Variants in DNASE1 observed in about 807,000 individuals in gnomAD.
DNASE1 encodes deoxyribonuclease 1.
In DNASE1, 40 loss-of-function variants were observed where a neutral mutation model predicts 33.9. The observed-to-expected ratio is 1.18, with a 90% CI of 0.92 to 1.54. The LOEUF is 1.54. Among genes scored for constraint, DNASE1 ranks in the 40% most tolerant of loss-of-function variants. The pLI is 0.00. For synonymous variants in DNASE1, 216 were observed against 160.0 expected (o/e 1.35, Z -2.64); for missense variants, 518 against 372.6 (o/e 1.39, Z -3.21).
At chr16:3,644,389 C>T (rs1351941935) in intron 1 of DNASE1, among the ~76,000 whole-genome samples, 1 of 151,902 alleles carries the variant, frequency 6.6e-6, no homozygotes, top group Non-Finnish European at 1.5e-5. Context: ...ATGGTAAAAC[C>T]TTCTCTCTAC....
At chr16:3,658,672 A>C (rs1413662150), downstream of DNASE1, 5 of 1,044,102 alleles carry the variant, frequency 4.8e-6, no homozygotes, top group Non-Finnish European at 5.5e-6. Context: ...ACTCCATCTC[A>C]AAAAACAAAC....
chr16:3,650,232 A>C (rs2042291850), upstream of DNASE1, among the ~76,000 whole-genome samples: 1 of 152,214 alleles, frequency 6.6e-6, no homozygotes, highest in Non-Finnish European at 1.5e-5. Flanking sequence ...GTCTTACTCT[A>C]GCATCGTCTA....
intron 1 of DNASE1, among the ~76,000 whole-genome samples, chr16:3,644,388 C>A (rs769909096): frequency 6.6e-6 from 1 of 152,062 alleles, no homozygotes; most frequent in Non-Finnish European, 1.5e-5. Context: ...CATGGTAAAA[C>A]CTTCTCTCTA....
chr16:3,655,017 A>G lies in DNASE1; in HGVS notation c.-29A>G, dbSNP rs2042503109. The G allele has an allele frequency of 4.1e-6, 2 of 492,470 alleles. No individual in the cohort carries two copies. The highest frequency in any genetic ancestry group is 1.9e-5 in the African/African-American group (1 of 51,304). 30.5% of individuals were successfully genotyped at this position (492,470 alleles called of 1,614,324 possible). ...CCAGATTCTTGACAGCATTCTCGTC[A>G]TCTCTGAGGACATCACCATCATCTC... On this transcript the variant is annotated 5_prime_UTR_variant, in exon 1 of 9. Transcript: ENST00000246949.
intron 1 of DNASE1, among the ~76,000 whole-genome samples, chr16:3,613,289 A>G (rs1348524433): frequency 6.6e-6 from 1 of 152,230 alleles, no homozygotes; most frequent in Non-Finnish European, 1.5e-5. Context: ...TCATCCATGT[A>G]GATGAATCAG....
chr16:3,659,156 GATAA>G (rs373437623), downstream of DNASE1: 543 of 315,980 alleles, frequency 1.7e-3, 10 homozygotes, highest in East Asian at 0.031. Flanking sequence ...TTGGTTCCTA[GATAA>G]ATAATAAAAG....
exon 10 of DNASE1, chr16:3,664,495 G>A: frequency 6.3e-7 from 1 of 1,576,556 alleles, no homozygotes; most frequent in Non-Finnish European, 8.6e-7. Context: ...CTTATTCCAG[G>A]CCCATGGGCT....
downstream of DNASE1, chr16:3,660,223 G>A (rs191504544): frequency 1.3e-5 from 2 of 152,394 alleles, no homozygotes; most frequent in Admixed American, 1.3e-4. Context: ...CATAATCTCT[G>A]CAGAAATACA....
In DNASE1 at chr16:3,664,449, G is replaced by T. The variant is rs200472693; in HGVS notation, c.*6496G>T. ...CGAGGACTCGTAGCGCAGCAGCTTT[G>T]CTATGTCCTCCTAGAAGGGACGGGG... On this transcript the variant is annotated 3_prime_UTR_variant, in exon 10 of 10. Coordinates refer to the DNASE1 transcript ENST00000407479. The T allele has an allele frequency of 4.4e-5, 71 of 1,610,518 alleles. No individual in the cohort carries two copies. Among genetic ancestry groups the T allele is most frequent in the Non-Finnish European group, 1.7e-5 (20 of 1,178,740 alleles).
rs563628785 is a variant in DNASE1, at chr16:3,656,109, C to T, written c.244C>T (p.Pro82Ser). 1.9e-5 allele frequency: 30 copies of T among 1,614,106 alleles called. No individual in the cohort carries two copies. In the South Asian group the frequency reaches 2.9e-4, roughly 15 times the overall value. Residue 82 changes from proline (P) to serine (S), a missense_variant, in exon 4 of 9, where the codon CCA (proline) becomes TCA (serine). Transcript: ENST00000246949. ...TTTGTTTCTTCAATCCAGGGATGCA[C>T]CAGACACCTATCACTACGTGGTCAG... ...KLLDNLNQDA[P>S]DTYHYVVSEP...
At chr16:3,616,518 G>A (rs1010465544) in intron 1 of DNASE1, among the ~76,000 whole-genome samples, 2 of 152,192 alleles carry the variant, frequency 1.3e-5, no homozygotes, top group Non-Finnish European at 2.9e-5. Context: ...CTACTTGGAA[G>A]GCTGAGGCGG....
chr16:3,662,869 G>A (rs370938126), downstream of DNASE1: 27 of 1,613,020 alleles, frequency 1.7e-5, no homozygotes, highest in Middle Eastern at 3.3e-4. Context: ...GTCCATCCCC[G>A]GGAAAGCCTC....
downstream of DNASE1, chr16:3,658,208 G>GCAAT: frequency 5.6e-6 from 9 of 1,613,898 alleles, no homozygotes; most frequent in Non-Finnish European, 7.6e-6. Context: ...AAGTCCAGCA[G>GCAAT]CAATCATGGC....
chr16:3,612,508 C>T (rs547189816), intron 1 of DNASE1, among the ~76,000 whole-genome samples: 26 of 151,244 alleles, frequency 1.7e-4, no homozygotes, highest in African/African-American at 5.1e-4. Context: ...GCCTCGGCCT[C>T]CCAAAGTGGT....
chr16:3,645,569 G>A (rs140706559), intron 1 of DNASE1, among the ~76,000 whole-genome samples: 9 of 152,340 alleles, frequency 5.9e-5, no homozygotes, highest in Admixed American at 2.6e-4. Flanking sequence ...CACTGGGAGC[G>A]TGTGGGGAGG....
At chr16:3,625,823 T>C (rs915603636) in intron 1 of DNASE1, among the ~76,000 whole-genome samples, 4 of 152,168 alleles carry the variant, frequency 2.6e-5, no homozygotes, top group Admixed American at 2.6e-4. Flanking sequence ...TAAAGGGCTG[T>C]GCATGGTGGC....
At chr16:3,655,609 G>A (rs554030863) in intron 2 of DNASE1, 89 bp downstream of exon 2, 9 of 1,590,482 alleles carry the variant, frequency 5.7e-6, no homozygotes, top group Admixed American at 3.4e-5. Flanking sequence ...GCCACAGGGT[G>A]TCGGGTGTGG....
downstream of DNASE1, chr16:3,658,541 C>T (rs780562041): frequency 5.1e-5 from 29 of 569,362 alleles, no homozygotes; most frequent in South Asian, 1.3e-4. Flanking sequence ...ATTAGCCAGG[C>T]GCATGCCTGT....
intron 1 of DNASE1, among the ~76,000 whole-genome samples, chr16:3,634,676 A>AT (rs894601801): frequency 4.9e-4 from 71 of 144,840 alleles, no homozygotes; most frequent in Admixed American, 1.9e-3. Flanking sequence ...TGCCTAGATA[A>AT]TTTTTTTTTT....
Sources: allele counts gnomAD v4.1 joint callset (sites outside exome capture counted in the v4.1 genomes callset), GRCh38; gene constraint gnomAD v4.1.1; transcripts MANE v1.5; gene names NCBI Gene and HGNC (gene_info 2026-07-23, HGNC 2026-07-21).